The following FLI1 variants were observed in gnomAD, a reference collection of about 807,000 sequenced individuals.
The protein encoded by FLI1 is Fli-1 proto-oncogene, ETS transcription factor.
FLI1 carries 13 observed loss-of-function variants against 53.1 expected under a neutral mutation model. The ratio of observed to expected loss-of-function variants is 0.24; its 90% CI spans 0.16 to 0.39. FLI1 has a LOEUF of 0.39. Ranked by LOEUF, FLI1 falls within the 10% of genes least tolerant of loss-of-function variation. The pLI is 1.00. For synonymous variants in FLI1, 244 were observed against 236.7 expected, an observed-to-expected ratio of 1.03 and a Z score of -0.28; for missense variants, 424 against 600.5, an observed-to-expected ratio of 0.71 and a Z score of 3.07.
At chr11:128,742,001 A>T (rs151174294) in intron 1 of FLI1, among the ~76,000 whole-genome samples, 289 of 152,248 alleles carry the variant, frequency 1.9e-3, no homozygotes, top group African/African-American at 6.4e-3. Context: ...TTGTTATTTC[A>T]TCTAAGCTTC....
intron 4 of FLI1, among the ~76,000 whole-genome samples, chr11:128,777,492 T>C (rs1341609275): frequency 6.6e-6 from 1 of 152,198 alleles, no homozygotes; most frequent in Non-Finnish European, 1.5e-5. Context: ...TTTCTGGTCT[T>C]TCCACCTGCA....
chr11:128,698,127 T>C (rs1938166995), intron 1 of FLI1, among the ~76,000 whole-genome samples: 1 of 152,100 alleles, frequency 6.6e-6, no homozygotes, highest in Non-Finnish European at 1.5e-5. Context: ...TCTGCAAGGC[T>C]CTGGAGGGCA....
rs974960437 is a variant in FLI1, at chr11:128,758,106, G to A, written c.19-9G>A. The A allele has an allele frequency of 6.2e-7, 1 of 1,607,604 alleles. No homozygotes were observed. Among genetic ancestry groups the A allele is most frequent in the African/African-American group, 1.3e-5 (1 of 74,764 alleles). Reference sequence around the variant, plus strand: ...CACTGGGCTTTCTGTCTCTTCTCTGGCCCTGCAGGAGGCTCTGTCGGTGGT... The same window carrying A: ...CACTGGGCTTTCTGTCTCTTCTCTGACCCTGCAGGAGGCTCTGTCGGTGGT... On this transcript the variant is annotated splice_polypyrimidine_tract_variant and intron_variant, in intron 1 of 8. Coordinates refer to ENST00000527786, the MANE Select transcript of FLI1 (RefSeq NM_002017.5).
intron 7 of FLI1, 125 bp from the exon 8 acceptor site, chr11:128,809,032 T>TGAAA: frequency 1.5e-6 from 1 of 678,938 alleles, no homozygotes; most frequent in Non-Finnish European, 2.5e-6. Context: ...CAGTAAAGTT[T>TGAAA]TCTGAAATCA....
At chr11:128,685,497 GCTTT>G (rs1202969425), upstream of FLI1, among the ~76,000 whole-genome samples, 3 of 151,888 alleles carry the variant, frequency 2.0e-5, no homozygotes, top group African/African-American at 7.3e-5. Flanking sequence ...CCTTTCTCCG[GCTTT>G]CTTTTTTCTC....
At chr11:128,774,373 C>T (rs1941672313) in intron 4 of FLI1, among the ~76,000 whole-genome samples, 1 of 151,890 alleles carries the variant, frequency 6.6e-6, no homozygotes, top group African/African-American at 2.4e-5. Flanking sequence ...GAAACAATTT[C>T]AAAAAAGGGG....
At chr11:128,716,395 T>A (rs938972498) in intron 1 of FLI1, among the ~76,000 whole-genome samples, 1 of 152,150 alleles carries the variant, frequency 6.6e-6, no homozygotes, top group African/African-American at 2.4e-5. Flanking sequence ...GAAAAGCAGT[T>A]ATTCTTCTGT....
intron 5 of FLI1, among the ~76,000 whole-genome samples, chr11:128,798,636 C>T (rs1448807250): frequency 6.6e-6 from 1 of 152,150 alleles, no homozygotes; most frequent in East Asian, 1.9e-4. Context: ...GAAACCTGAT[C>T]CAGGATGTTT....
intron 1 of FLI1, among the ~76,000 whole-genome samples, chr11:128,722,696 C>T (rs926105977): frequency 6.6e-6 from 1 of 152,182 alleles, no homozygotes; most frequent in Non-Finnish European, 1.5e-5. Flanking sequence ...ATTAATATTG[C>T]TAGATCAGGA....
intron 1 of FLI1, among the ~76,000 whole-genome samples, chr11:128,731,563 A>G (rs892189364): frequency 6.6e-5 from 10 of 152,176 alleles, no homozygotes; most frequent in Non-Finnish European, 8.8e-5. Flanking sequence ...AAAACAAAAA[A>G]CAAACAAAAA....
At position 128,811,867 on chromosome 11, in the gene FLI1, C is replaced by A; in HGVS notation, c.*879C>A. The A allele has an allele frequency of 5.1e-6, 1 of 196,258 alleles. No homozygotes were observed. The highest frequency in any genetic ancestry group is 6.1e-5 in the Admixed American group (1 of 16,436). 12.2% of individuals were successfully genotyped at this position (196,258 alleles called of 1,614,324 possible). On this transcript the variant is annotated 3_prime_UTR_variant, in exon 9 of 9. Coordinates refer to ENST00000527786, the MANE Select transcript of FLI1 (RefSeq NM_002017.5). ...TGCAGAGTTATTTTCCTATATCTCA[C>A]AGTATTAAAAATAAATAATTAAAAA...
intron 1 of FLI1, among the ~76,000 whole-genome samples, chr11:128,709,256 TTTGTAA>T (rs1439699936): frequency 6.6e-6 from 1 of 152,220 alleles, no homozygotes; most frequent in African/African-American, 2.4e-5. Flanking sequence ...GTAAAAGCAC[TTTGTAA>T]TTGTAAAGTG....
chr11:128,771,056 T>C (rs980045856), intron 3 of FLI1, among the ~76,000 whole-genome samples: 1 of 152,240 alleles, frequency 6.6e-6, no homozygotes, highest in Admixed American at 6.5e-5. Context: ...CCAGCCCAGA[T>C]ACTTACCAGC....
At chr11:128,694,440 C>T (rs1167565139) in intron 1 of FLI1, among the ~76,000 whole-genome samples, 164 bp downstream of exon 1, 5 of 150,940 alleles carry the variant, frequency 3.3e-5, no homozygotes. Context: ...GCGAGTCCTA[C>T]TCGCGGGCCA....
At chr11:128,764,301 A>C (rs915429210) in intron 2 of FLI1, among the ~76,000 whole-genome samples, 4 of 152,266 alleles carry the variant, frequency 2.6e-5, no homozygotes, top group Admixed American at 2.6e-4. Flanking sequence ...CAATGTTCAC[A>C]GAACACACAC....
rs757543142 is a variant in FLI1, at chr11:128,768,279, C to T, written c.385+7C>T. ...AGAGTCATCGTCCCCGCAGGTAATT[C>T]GAGAACCAGGCTGCCTGGGCGCCAT... On this transcript the variant is annotated splice_region_variant and intron_variant, in intron 3 of 8. Transcript: ENST00000527786. 7.3e-5 allele frequency: 117 copies of T among 1,612,706 alleles called. No individual in the cohort carries two copies. Among genetic ancestry groups the T allele is most frequent in the Non-Finnish European group, 9.3e-5 (110 of 1,179,718 alleles).
chr11:128,754,235 A>ATGTGTGTGTG (rs57171401), intron 1 of FLI1, among the ~76,000 whole-genome samples: 127 of 145,784 alleles, frequency 8.7e-4, no homozygotes, highest in African/African-American at 2.1e-3. Flanking sequence ...TAGAAGGGGG[A>ATGTGTGTGTG]TGTGTGTGTG....
chr11:128,812,157 C>T lies in FLI1; in HGVS notation c.*1169C>T, dbSNP rs564068864. On this transcript the variant is annotated 3_prime_UTR_variant, in exon 9 of 9. Transcript: ENST00000527786. ...CATACACAAGCAGGGAAAAGATAAT[C>T]CATTTAGATCTTTAATGCTTTGGAA... 4.6e-6 allele frequency: 1 copy of T among 216,192 alleles called. No individual in the cohort carries two copies. Among genetic ancestry groups the T allele is most frequent in the African/African-American group, 2.3e-5 (1 of 44,444 alleles). 13.4% of individuals were successfully genotyped at this position (216,192 alleles called of 1,614,324 possible).
At chr11:128,763,147 G>T (rs571687286) in intron 2 of FLI1, among the ~76,000 whole-genome samples, 1 of 152,256 alleles carries the variant, frequency 6.6e-6, no homozygotes, top group South Asian at 2.1e-4. Context: ...TCTCTGGTGG[G>T]AAGGAGGTGT....
Sources: gnomAD v4.1 joint callset for allele counts (sites outside exome capture counted in the v4.1 genomes callset) on GRCh38, gnomAD v4.1.1 for gene constraint, MANE v1.5 for transcripts, NCBI Gene and HGNC (gene_info 2026-07-23, HGNC 2026-07-21) for gene names.